KHDRBS2: variants seen among roughly 807,000 people sequenced by gnomAD.
KHDRBS2 encodes KH RNA binding domain containing, signal transduction associated 2, also known as KH domain-containing, RNA-binding, signal transduction-associated protein 2.
KHDRBS2 carries 26 observed loss-of-function variants against 44.3 expected under a neutral mutation model. The observed-to-expected ratio is 0.59, with a 90% confidence interval of 0.43 to 0.81. The LOEUF (loss-of-function observed/expected upper bound fraction) is 0.81. Among genes scored for constraint, KHDRBS2 ranks in the 40% least tolerant of loss-of-function variants. KHDRBS2 has a pLI of 0.00. For missense variants in KHDRBS2, 476 were observed against 433.1 expected (o/e 1.10, Z -0.88); for synonymous variants, 194 against 151.1 (o/e 1.28, Z -2.08).
At chr6:62,015,737 AG>A (rs1437571041) in intron 3 of KHDRBS2, among the ~76,000 whole-genome samples, 2 of 152,196 alleles carry the variant, frequency 1.3e-5, no homozygotes, top group East Asian at 1.9e-4. Context: ...GAAAAGATAA[AG>A]GGTTTACATT....
intron 6 of KHDRBS2, among the ~76,000 whole-genome samples, chr6:61,838,242 TG>T (rs1283505628): frequency 6.6e-6 from 1 of 152,066 alleles, no homozygotes; most frequent in Non-Finnish European, 1.5e-5. Context: ...AAAAAGCTTG[TG>T]TTGTTAAACA....
chr6:62,191,550 G>A, intron 1 of KHDRBS2, among the ~76,000 whole-genome samples: 1 of 152,002 alleles, frequency 6.6e-6, no homozygotes, highest in East Asian at 1.9e-4. Flanking sequence ...TGAAGCCAAG[G>A]ACCATATCAC....
At chr6:61,814,169 CT>C (rs1461982994) in intron 6 of KHDRBS2, among the ~76,000 whole-genome samples, 3 of 152,168 alleles carry the variant, frequency 2.0e-5, no homozygotes, top group Non-Finnish European at 2.9e-5. Flanking sequence ...CAAGTGAATT[CT>C]TCAGGATGGA....
At chr6:61,968,507 G>C (rs540846306) in intron 4 of KHDRBS2, among the ~76,000 whole-genome samples, 1 of 152,134 alleles carries the variant, frequency 6.6e-6, no homozygotes, top group South Asian at 2.1e-4. Context: ...TTGAATTAAT[G>C]AGTATCTAAG....
intron 1 of KHDRBS2, among the ~76,000 whole-genome samples, chr6:62,264,442 A>C (rs1158918490): frequency 2.0e-5 from 3 of 151,794 alleles, no homozygotes; most frequent in Non-Finnish European, 4.4e-5. Context: ...TCCAATTTAA[A>C]CAGAAAGCCA....
At chr6:61,954,196 G>T (rs4710594) in intron 4 of KHDRBS2, among the ~76,000 whole-genome samples, 50,290 of 148,224 alleles carry the variant, frequency 0.34, 9,071 homozygotes, top group Middle Eastern at 0.41. Flanking sequence ...GACTGTCTTG[G>T]TTTTTTCTAC....
At position 62,225,264 on chromosome 6, in the gene KHDRBS2, T is replaced by C. The variant is rs566108222; in HGVS notation, c.92-47952A>G. The stretch of plus-strand genomic sequence containing the variant: ...CCCACTGATCTTTGTGTGACAGTAA[T>C]GTTGCATCACTTTCTGTCAGGTTTT... On this transcript the variant is annotated intron_variant, in intron 1 of 8. Transcript: ENST00000281156. Among the ~76,000 whole-genome samples the C allele has an allele frequency of 6.7e-4, 102 of 152,332 alleles. 2 individuals are homozygous for C. The South Asian group carries it at 0.019, about 29-fold the overall frequency.
intron 1 of KHDRBS2, among the ~76,000 whole-genome samples, chr6:62,276,457 C>T (rs1840950838): frequency 6.6e-6 from 1 of 152,138 alleles, no homozygotes; most frequent in Admixed American, 6.5e-5. Context: ...AAAAAAATGC[C>T]TCAGCAAACC....
intron 6 of KHDRBS2, among the ~76,000 whole-genome samples, chr6:61,894,400 TG>T (rs1802534067): frequency 6.6e-6 from 1 of 152,198 alleles, no homozygotes; most frequent in Non-Finnish European, 1.5e-5. Flanking sequence ...AGGATAAGTT[TG>T]GTTCTTAAAA....
intron 2 of KHDRBS2, among the ~76,000 whole-genome samples, chr6:62,134,795 T>C (rs1482272916): frequency 2.0e-5 from 3 of 152,192 alleles, no homozygotes. Flanking sequence ...CCCCACTGTA[T>C]TTCAGACTTG....
chr6:62,225,573 A>T lies in KHDRBS2; in HGVS notation c.92-48261T>A, dbSNP rs368301977. ...AGGAGGAGACAAGTGCAGAACATGT[A>T]GGGTTGTTACATAGGTATACATGTG... On this transcript the variant is annotated intron_variant, in intron 1 of 8. Transcript: ENST00000281156. Among the ~76,000 whole-genome samples the T allele has an allele frequency of 1.2e-4, 19 of 152,284 alleles. 1 individual carries two copies. In the South Asian group the frequency reaches 3.9e-3, roughly 32 times the overall value.
chr6:62,086,847 AC>A (rs1437801861), intron 2 of KHDRBS2, among the ~76,000 whole-genome samples: 1 of 151,854 alleles, frequency 6.6e-6, no homozygotes, highest in African/African-American at 2.4e-5. Flanking sequence ...CAGCCACTAT[AC>A]CCTCTCCAAA....
the KHDRBS2 span, among the ~76,000 whole-genome samples, chr6:61,622,074 C>T: frequency 6.6e-5 from 10 of 152,192 alleles, no homozygotes; most frequent in Non-Finnish European, 5.9e-5. Context: ...GGCAGAGGAT[C>T]TAGCTAAACT....
the KHDRBS2 span, among the ~76,000 whole-genome samples, chr6:61,609,522 A>G: frequency 3.3e-5 from 5 of 152,194 alleles, no homozygotes; most frequent in Admixed American, 3.3e-4. Flanking sequence ...TCACAATTAT[A>G]TTTCATTCAA....
chr6:61,879,234 C>A (rs1389991470), intron 6 of KHDRBS2, among the ~76,000 whole-genome samples: 1 of 151,950 alleles, frequency 6.6e-6, no homozygotes, highest in Non-Finnish European at 1.5e-5. Context: ...GGATTTCCAG[C>A]TGGTACTACT....
At chr6:61,631,361 C>T in the KHDRBS2 span, among the ~76,000 whole-genome samples, 1 of 128,494 alleles carries the variant, frequency 7.8e-6, no homozygotes, top group Non-Finnish European at 1.6e-5. Context: ...GTTACATTTT[C>T]TGGTGGTAAG....
rs114243136 is a variant in KHDRBS2, at chr6:62,165,876, A to C, written c.219+11309T>G. 8.0e-3 allele frequency among the ~76,000 whole-genome samples: 1,214 copies of C among 152,068 alleles called. 16 individuals carry two copies. The highest frequency in any genetic ancestry group is 0.028 in the African/African-American group (1,151 of 41,538). ...AGTGCACGAATACGTGGCATTAAGT[A>C]CATTCACAATGTTATGCAACTATCC... On this transcript the variant is annotated intron_variant, in intron 2 of 8. Coordinates refer to ENST00000281156, the MANE Select transcript of KHDRBS2 (RefSeq NM_152688.4).
At chr6:61,773,915 G>A (rs1398499009) in intron 6 of KHDRBS2, among the ~76,000 whole-genome samples, 6 of 151,710 alleles carry the variant, frequency 4.0e-5, no homozygotes, top group South Asian at 4.2e-4. Context: ...TTTCCCCATT[G>A]CTTGTTTTTC....
intron 2 of KHDRBS2, among the ~76,000 whole-genome samples, chr6:62,165,307 T>A (rs1179323866): frequency 6.7e-6 from 1 of 150,184 alleles, no homozygotes; most frequent in Non-Finnish European, 1.5e-5. Context: ...AGACACAGAA[T>A]TTTTTTTGGT....
Sources: allele counts gnomAD v4.1 joint callset (sites outside exome capture counted in the v4.1 genomes callset), GRCh38; gene constraint gnomAD v4.1.1; transcripts MANE v1.5; gene names NCBI Gene and HGNC (gene_info 2026-07-23, HGNC 2026-07-21).